The following AFF3 variants were observed in gnomAD, a reference collection of about 807,000 sequenced individuals.
AFF3 encodes AF4/FMR2 family member 3.
AFF3 carries 32 observed loss-of-function variants against 129.7 expected under a neutral mutation model. That is an observed-to-expected ratio of 0.25 (90% CI 0.19 to 0.33). AFF3 has a LOEUF of 0.33. Among genes scored for constraint, AFF3 ranks in the 10% least tolerant of loss-of-function variants. AFF3 has a pLI of 1.00. For missense variants in AFF3, 1,373 were observed against 1,592.0 expected (o/e 0.86, Z 2.34); for synonymous variants, 644 against 635.4 (o/e 1.01, Z -0.20).
intron 2 of AFF3, among the ~76,000 whole-genome samples, chr2:100,111,368 A>G (rs1369849114): frequency 6.6e-6 from 1 of 152,244 alleles, no homozygotes; most frequent in Non-Finnish European, 1.5e-5. Context: ...ACTTCCTTAC[A>G]TGTAATCTTG....
chr2:99,636,007 A>T (rs144602773), intron 13 of AFF3, among the ~76,000 whole-genome samples: 1 of 152,210 alleles, frequency 6.6e-6, no homozygotes, highest in Non-Finnish European at 1.5e-5. Context: ...AGCGAAGGCC[A>T]TGACCACAGT....
chr2:99,959,339 C>CAAAAAAAAAAAAAAA (rs34083581), intron 7 of AFF3, among the ~76,000 whole-genome samples: 2 of 66,936 alleles, frequency 3.0e-5, no homozygotes, highest in Non-Finnish European at 5.9e-5. Context: ...AAGAGTCTGC[C>CAAAAAAAAAAAAAAA]AAAAAAAAAA....
chr2:99,722,140 T>G (rs757066305), intron 11 of AFF3, among the ~76,000 whole-genome samples: 3 of 152,224 alleles, frequency 2.0e-5, no homozygotes, highest in Non-Finnish European at 2.9e-5. Context: ...CTCCTTCTTT[T>G]CAGTCATGAT....
Position 99,867,273 on chromosome 2 carries a change from C to T in AFF3, c.874-29749G>A, listed in dbSNP as rs147606308. Among the ~76,000 whole-genome samples the T allele has an allele frequency of 6.9e-3, 1,046 of 152,094 alleles. 18 individuals are homozygous for T. The highest frequency in any genetic ancestry group is 0.024 in the African/African-American group (1,003 of 41,498). On this transcript the variant is annotated intron_variant, in intron 7 of 24. Transcript: ENST00000672756. ...CTAACTTGATGAATAGCATTTGCTTCGAAGGATCCTTCTTTAGGAAGAATT... is the reference window on the plus strand; with the variant it reads ...CTAACTTGATGAATAGCATTTGCTTTGAAGGATCCTTCTTTAGGAAGAATT...
intron 11 of AFF3, among the ~76,000 whole-genome samples, chr2:99,723,525 C>A (rs1461531986): frequency 6.6e-6 from 1 of 152,192 alleles, no homozygotes; most frequent in Non-Finnish European, 1.5e-5. Context: ...TTTCCCAGTG[C>A]CCCATGCTTG....
At chr2:99,905,716 G>A (rs1694668386) in intron 7 of AFF3, among the ~76,000 whole-genome samples, 2 of 152,104 alleles carry the variant, frequency 1.3e-5, no homozygotes, top group Admixed American at 1.3e-4. Context: ...GTTAAGGGCT[G>A]CAATAAACCA....
intron 4 of AFF3, among the ~76,000 whole-genome samples, chr2:100,018,576 T>G (rs909760096): frequency 7.9e-5 from 12 of 152,190 alleles, no homozygotes; most frequent in African/African-American, 2.7e-4. Context: ...GACAAGCAGC[T>G]TTCAGAGTCT....
At chr2:99,565,775 C>CTTT in intron 19 of AFF3, 152 bp from the exon 20 acceptor site, 1 of 901,926 alleles carries the variant, frequency 1.1e-6, no homozygotes, top group Non-Finnish European at 1.6e-6. Flanking sequence ...TACTTCTTTT[C>CTTT]CTACTTATTT....
At chr2:99,954,918 TAATAA>T (rs993338222) in intron 7 of AFF3, among the ~76,000 whole-genome samples, 2 of 145,344 alleles carry the variant, frequency 1.4e-5, no homozygotes, top group East Asian at 4.0e-4. Flanking sequence ...AGTATAATAA[TAATAA>T]AATAAAATAA....
chr2:99,610,407 AT>A (rs1443124097), intron 13 of AFF3, among the ~76,000 whole-genome samples: 11 of 152,212 alleles, frequency 7.2e-5, no homozygotes, highest in African/African-American at 2.7e-4. Context: ...AAACTAAATT[AT>A]TGAGATACAA....
At chr2:99,841,831 A>G (rs1168872953) in intron 7 of AFF3, among the ~76,000 whole-genome samples, 1 of 152,218 alleles carries the variant, frequency 6.6e-6, no homozygotes, top group Admixed American at 6.5e-5. Flanking sequence ...GTTCTCTACT[A>G]TCTCATGCTG....
At chr2:100,066,299 C>T (rs992033844) in intron 4 of AFF3, among the ~76,000 whole-genome samples, 1 of 152,088 alleles carries the variant, frequency 6.6e-6, no homozygotes, top group African/African-American at 2.4e-5. Flanking sequence ...TAAAATAGTA[C>T]TGAATCAAAC....
chr2:99,580,252 T>C (rs1285265453), intron 17 of AFF3, among the ~76,000 whole-genome samples: 1 of 152,198 alleles, frequency 6.6e-6, no homozygotes, highest in Non-Finnish European at 1.5e-5. Context: ...GGGTCAGCCA[T>C]CTATGGCCAG....
intron 15 of AFF3, among the ~76,000 whole-genome samples, chr2:99,592,502 C>G (rs987053384): frequency 6.6e-6 from 1 of 152,236 alleles, no homozygotes; most frequent in African/African-American, 2.4e-5. Context: ...TCACCCCATT[C>G]CTGCCAGCAA....
intron 7 of AFF3, among the ~76,000 whole-genome samples, chr2:99,859,646 C>T (rs962290829): frequency 6.6e-6 from 1 of 152,146 alleles, no homozygotes; most frequent in African/African-American, 2.4e-5. Context: ...TACTTCAACA[C>T]GTTTTCTTCT....
intron 8 of AFF3, among the ~76,000 whole-genome samples, chr2:99,811,645 C>G (rs180977575): frequency 1.3e-5 from 2 of 152,344 alleles, no homozygotes; most frequent in South Asian, 2.1e-4. Context: ...CCTTGCAGAG[C>G]TGAGGCACCA....
At chr2:99,844,930 T>C (rs1689616297) in intron 7 of AFF3, among the ~76,000 whole-genome samples, 2 of 151,940 alleles carry the variant, frequency 1.3e-5, no homozygotes, top group African/African-American at 4.8e-5. Context: ...ATTATATTTG[T>C]TGAATGAATA....
intron 4 of AFF3, among the ~76,000 whole-genome samples, chr2:100,046,500 G>C (rs1303984334): frequency 6.6e-6 from 1 of 152,240 alleles, no homozygotes; most frequent in East Asian, 1.9e-4. Flanking sequence ...TGTTGGACTG[G>C]GCTGCAGTTT....
chr2:100,073,815 G>A (rs1688385831), intron 4 of AFF3, among the ~76,000 whole-genome samples: 1 of 152,252 alleles, frequency 6.6e-6, no homozygotes, highest in African/African-American at 2.4e-5. Flanking sequence ...AAAATTTTGT[G>A]TTGCACCTAA....
Sources: gnomAD v4.1 joint callset for allele counts (sites outside exome capture counted in the v4.1 genomes callset) on GRCh38, gnomAD v4.1.1 for gene constraint, MANE v1.5 for transcripts, NCBI Gene and HGNC (gene_info 2026-07-23, HGNC 2026-07-21) for gene names.